ADGRV1: variants seen among roughly 807,000 people sequenced by gnomAD.
The protein encoded by ADGRV1 is adhesion G protein-coupled receptor V1, also known as G-protein coupled receptor 98.
ADGRV1 carries 359 observed loss-of-function variants against 596.2 expected under a neutral mutation model. The ratio of observed to expected loss-of-function variants is 0.60; its 90% CI spans 0.55 to 0.66. The LOEUF (loss-of-function observed/expected upper bound fraction) is 0.66. ADGRV1 is among the 30% of genes least tolerant of loss of function. ADGRV1 has a pLI of 0.00. For missense variants in ADGRV1, 7,274 were observed against 7,575.6 expected (o/e 0.96, Z 1.48); for synonymous variants, 2,681 against 2,679.2 (o/e 1.00, Z -0.02).
At chr5:91,022,811 A>C (rs1288065758) in intron 85 of ADGRV1, among the ~76,000 whole-genome samples, 1 of 152,128 alleles carries the variant, frequency 6.6e-6, no homozygotes, top group Non-Finnish European at 1.5e-5. Context: ...TGAATATGTA[A>C]TTTAGTTTCC....
intron 82 of ADGRV1, among the ~76,000 whole-genome samples, chr5:90,858,378 C>G (rs1767230090): frequency 6.6e-6 from 1 of 152,156 alleles, no homozygotes; most frequent in Non-Finnish European, 1.5e-5. Context: ...ACTCTGCCTT[C>G]CCATAACTCT....
chr5:90,984,267 C>T (rs765217032), intron 84 of ADGRV1, among the ~76,000 whole-genome samples: 1 of 152,060 alleles, frequency 6.6e-6, no homozygotes, highest in Non-Finnish European at 1.5e-5. Context: ...TTCTACCATA[C>T]AAAATTGAGA....
intron 87 of ADGRV1, among the ~76,000 whole-genome samples, chr5:91,109,407 C>A (rs1022081487): frequency 1.3e-5 from 2 of 152,164 alleles, no homozygotes; most frequent in Non-Finnish European, 2.9e-5. Context: ...GCCACTTCCC[C>A]ATGATGTGAG....
chr5:90,920,918 C>G (rs1773819601), intron 83 of ADGRV1, among the ~76,000 whole-genome samples: 1 of 152,158 alleles, frequency 6.6e-6, no homozygotes, highest in Non-Finnish European at 1.5e-5. Flanking sequence ...TTAACTGCAT[C>G]CTACTTTGTA....
At chr5:90,763,901 TA>T (rs1461862764) in intron 59 of ADGRV1, among the ~76,000 whole-genome samples, 6 of 152,220 alleles carry the variant, frequency 3.9e-5, no homozygotes, top group African/African-American at 1.4e-4. Context: ...TGTATATCTA[TA>T]ACATTTTCTT....
At chr5:90,875,816 C>T (rs905989040) in intron 83 of ADGRV1, among the ~76,000 whole-genome samples, 5 of 151,910 alleles carry the variant, frequency 3.3e-5, no homozygotes, top group African/African-American at 1.2e-4. Context: ...TGTCTGTGTT[C>T]CAAAGGAATG....
intron 77 of ADGRV1, among the ~76,000 whole-genome samples, chr5:90,832,644 G>A (rs1029256532): frequency 6.6e-6 from 1 of 151,844 alleles, no homozygotes; most frequent in African/African-American, 2.4e-5. Flanking sequence ...TGGTTGTGGG[G>A]TATTACTCAA....
Position 91,153,270 on chromosome 5 carries a change from G to C in ADGRV1, c.18674G>C (p.Ser6225Thr). ...TCCTTCCAACAGGGCAGTCAGGCCAGCCCTGATTTAAAGCCAAGTCCACAA... is the reference window on the plus strand; with the variant it reads ...TCCTTCCAACAGGGCAGTCAGGCCACCCCTGATTTAAAGCCAAGTCCACAA... ...RASFQQGSQA[S>T]PDLKPSPQNG... is the part of the protein sequence containing the mutation. The change falls in exon 89 of 90, where the codon AGC becomes ACC. Residue 6225 changes from serine (S) to threonine (T), a missense_variant. Physicochemically the swap from Ser to Thr is moderately conservative, Grantham distance 58. Around this residue, in one of 5 missense-constraint regions of ADGRV1, gnomAD observed 1,874 missense variants for 1,970.2 expected, o/e 0.95. Transcript: ENST00000405460. 6.2e-7 allele frequency: 1 copy of C among 1,609,256 alleles called. No individual in the cohort carries two copies. Among genetic ancestry groups the C allele is most frequent in the Non-Finnish European group, 8.5e-7 (1 of 1,177,744 alleles).
Position 90,918,028 on chromosome 5 carries a change from A to G in ADGRV1, c.17857-47387A>G, listed in dbSNP as rs1773537779. 2.0e-5 allele frequency among the ~76,000 whole-genome samples: 3 copies of G among 152,256 alleles called. No individual in the cohort carries two copies. In the South Asian group the frequency reaches 6.2e-4, roughly 32 times the overall value. ...ATGAGAATGAGCTGCAAAAGGATGA[A>G]TACCTAATTCAAGGTTACACAACTA... On this transcript the variant is annotated intron_variant, in intron 83 of 89. Transcript: ENST00000405460.
intron 73 of ADGRV1, among the ~76,000 whole-genome samples, chr5:90,808,951 G>GTTTT (rs11462822): frequency 6.9e-6 from 1 of 144,386 alleles, no homozygotes; most frequent in Non-Finnish European, 1.5e-5. Flanking sequence ...AGGCATAAAT[G>GTTTT]TTTTTTTTTT....
At chr5:90,900,854 CT>C (rs1220824439) in intron 83 of ADGRV1, among the ~76,000 whole-genome samples, 1 of 152,112 alleles carries the variant, frequency 6.6e-6, no homozygotes, top group East Asian at 1.9e-4. Context: ...AATATGTCCC[CT>C]ACCCCAAAAT....
intron 85 of ADGRV1, among the ~76,000 whole-genome samples, chr5:91,016,958 T>A (rs993277797): frequency 1.3e-5 from 2 of 151,844 alleles, no homozygotes; most frequent in South Asian, 4.1e-4. Flanking sequence ...TGTAATATGA[T>A]TGGAAGACGT....
At chr5:90,903,259 G>A (rs191277111) in intron 83 of ADGRV1, among the ~76,000 whole-genome samples, 3 of 151,794 alleles carry the variant, frequency 2.0e-5, no homozygotes, top group African/African-American at 4.8e-5. Context: ...ACATTCTTCC[G>A]GTATTCATTT....
Position 90,642,932 on chromosome 5 carries a change from A to G in ADGRV1, c.2444A>G (p.Glu815Gly), listed in dbSNP as rs774648956. 1.2e-6 allele frequency: 2 copies of G among 1,613,428 alleles called. No individual in the cohort carries two copies. The highest frequency in any genetic ancestry group is 2.2e-5 in the South Asian group (2 of 91,046). ...AAGCAGTTTCTACACTACCGAGTAG[A>G]GCCAAGAGATAGCAATGAATTCTAT... ...LVKQFLHYRV[E>G]PRDSNEFYGN... The change falls in exon 13 of 90, where the codon GAG becomes GGG. Residue 815 changes from glutamate (E) to glycine (G), a missense_variant. Around this residue, in one of 5 missense-constraint regions of ADGRV1, gnomAD observed 1,715 missense variants for 1,708.8 expected, o/e 1.00. Transcript: ENST00000405460.
Position 90,914,478 on chromosome 5 carries a change from T to C in ADGRV1, c.17856+50621T>C, listed in dbSNP as rs140628538. Among the ~76,000 whole-genome samples, 71 of 152,314 alleles carry C rather than the reference T, an allele frequency of 4.7e-4. 1 individual carries two copies. The East Asian group carries it at 8.1e-3, about 17-fold the overall frequency. On this transcript the variant is annotated intron_variant, in intron 83 of 89. Coordinates refer to ENST00000405460, the MANE Select transcript of ADGRV1 (RefSeq NM_032119.4). ...AAACTGTGAATGTATTTAACTCTTC[T>C]AAGATCACACAACTATTAAGTGGAG...
chr5:90,849,536 T>G (rs2150391588), intron 79 of ADGRV1, among the ~76,000 whole-genome samples: 1 of 152,232 alleles, frequency 6.6e-6, no homozygotes, highest in East Asian at 1.9e-4. Context: ...ACCAGAGGCG[T>G]GCACCACCAC....
rs1246740079 is a variant in ADGRV1, at chr5:91,163,782, G to T, written c.18803G>T (p.Gly6268Val). The T allele has an allele frequency of 1.4e-6, 2 of 1,428,676 alleles. No individual in the cohort carries two copies. The highest frequency in any genetic ancestry group is 2.0e-6 in the Non-Finnish European group (2 of 1,025,334). The allele number at this position is 1,428,676 out of a possible 1,614,324, so 88.5% of individuals were successfully genotyped here. Residue 6268 changes from glycine to valine, a missense_variant and splice_region_variant, in exon 90 of 90, where the codon GGT (glycine) becomes GTT (valine). Gly to Val is a moderately radical substitution (Grantham distance 109, BLOSUM62 -3). Coordinates refer to ENST00000405460, the MANE Select transcript of ADGRV1 (RefSeq NM_032119.4). ...FDDLIFALKT[G>V]AGLSVSDNES... ...TGTGTTCATTCTATTTCTGTGGCAG[G>T]TGCTGGTCTCAGTGTCAGTGATAAT...
In ADGRV1 at chr5:90,720,078, G is replaced by A; in HGVS notation, c.9478G>A (p.Glu3160Lys). 6.2e-7 allele frequency: 1 copy of A among 1,613,662 alleles called. No individual in the cohort carries two copies. Among genetic ancestry groups the A allele is most frequent in the Non-Finnish European group, 8.5e-7 (1 of 1,179,666 alleles). ...ACAAATATCTGCCATATTAGACACGGAACCAGAAATGGATGAGTATTTTGT... is the reference window on the plus strand; with the variant it reads ...ACAAATATCTGCCATATTAGACACGAAACCAGAAATGGATGAGTATTTTGT... The part of the protein sequence containing the change: ...ALQISAILDT[E>K]PEMDEYFVCT... Residue 3160 changes from glutamate to lysine, a missense_variant, in exon 44 of 90, where the codon GAA becomes AAA. Coordinates refer to ENST00000405460, the MANE Select transcript of ADGRV1 (RefSeq NM_032119.4).
chr5:90,683,709 A>G lies in ADGRV1; in HGVS notation c.5788A>G (p.Asn1930Asp). The G allele has an allele frequency of 6.2e-7, 1 of 1,613,938 alleles. No individual in the cohort carries two copies. Among genetic ancestry groups the G allele is most frequent in the Non-Finnish European group, 8.5e-7 (1 of 1,179,874 alleles). The change falls in exon 28 of 90, where the codon AAT becomes GAT. Residue 1930 changes from asparagine to aspartate, a missense_variant. Asn to Asp is a conservative substitution (Grantham distance 23). This residue lies in a region of ADGRV1 where 3,643 missense variants were observed against 3,809.2 expected (regional missense o/e 0.96). Transcript: ENST00000405460. ...ITFEIGQTSANITVEILPDED... is the reference protein window; with the variant it reads ...ITFEIGQTSADITVEILPDED... ...ATTTGAGATTGGGCAGACGAGCGCC[A>G]ATATCACTGTGGAGATATTGCCTGA... is the stretch of plus-strand genomic sequence containing the variant.
Sources: gnomAD v4.1 joint callset for allele counts (sites outside exome capture counted in the v4.1 genomes callset) on GRCh38, gnomAD v4.1.1 for gene constraint, gnomAD v4.1.1 regional missense constraint, MANE v1.5 for transcripts, NCBI Gene and HGNC (gene_info 2026-07-23, HGNC 2026-07-21) for gene names.